MORC3: variants seen among roughly 807,000 people sequenced by gnomAD.
MORC3 encodes the protein MORC family CW-type zinc finger 3.
MORC3 carries 31 observed loss-of-function variants against 109.1 expected under a neutral mutation model. The ratio of observed to expected loss-of-function variants is 0.28; its 90% CI spans 0.21 to 0.38. The LOEUF is 0.38. Ranked by LOEUF, MORC3 falls within the 10% of genes least tolerant of loss-of-function variation. MORC3 has a pLI of 1.00. For synonymous variants in MORC3, 395 were observed against 380.7 expected (o/e 1.04, Z -0.44); for missense variants, 867 against 1,135.8 (o/e 0.76, Z 3.40).
chr21:36,335,167 T>C (rs1450917387), intron 2 of MORC3, among the ~76,000 whole-genome samples: 1 of 152,002 alleles, frequency 6.6e-6, no homozygotes, highest in African/African-American at 2.4e-5. Flanking sequence ...CACACAAACA[T>C]AAGCCTAATT....
intron 14 of MORC3, among the ~76,000 whole-genome samples, chr21:36,365,083 A>G (rs2085765305): frequency 6.6e-6 from 1 of 151,724 alleles, no homozygotes; most frequent in Admixed American, 6.6e-5. Context: ...TGAAGCAATT[A>G]ACAGTACGAC....
intron 4 of MORC3, 126 bp from the exon 5 acceptor site, chr21:36,338,648 C>T (rs1237864581): frequency 1.3e-6 from 1 of 796,702 alleles, no homozygotes; most frequent in African/African-American, 1.9e-5. Flanking sequence ...CCCTATCTCA[C>T]AAAAAAAAAA....
intron 10 of MORC3, among the ~76,000 whole-genome samples, chr21:36,358,939 A>G (rs2085680268): frequency 6.6e-6 from 1 of 152,100 alleles, no homozygotes; most frequent in Non-Finnish European, 1.5e-5. Flanking sequence ...TCAGCCTCCC[A>G]AAGTGCTGGG....
intron 1 of MORC3, among the ~76,000 whole-genome samples, chr21:36,322,035 C>T (rs1359600202): frequency 2.2e-4 from 34 of 152,150 alleles, no homozygotes; most frequent in Admixed American, 2.2e-3. Flanking sequence ...CCATCTGCAG[C>T]CTCTTTGCTT....
At chr21:36,365,807 C>G (rs2085774560) in intron 14 of MORC3, among the ~76,000 whole-genome samples, 1 of 152,126 alleles carries the variant, frequency 6.6e-6, no homozygotes, top group African/African-American at 2.4e-5. Flanking sequence ...GTCTCGAACT[C>G]CTGACCTCAG....
rs938269316 is a variant in MORC3 at position 36,374,588 on chromosome 21, T to C, written c.2667-555T>C. Among the ~76,000 whole-genome samples the C allele has an allele frequency of 2.6e-5, 4 of 152,206 alleles. No homozygotes were observed. The East Asian group carries it at 7.8e-4, about 30-fold the overall frequency. ...GAATGCTTGATTGAGCCCAGGAGTT[T>C]GAGACCAGCCTGGGCAATATAGTGA... On this transcript the variant is annotated intron_variant, in intron 16 of 16. Coordinates refer to ENST00000400485, the MANE Select transcript of MORC3 (RefSeq NM_015358.3).
intron 5 of MORC3, 47 bp from the exon 6 acceptor site, chr21:36,341,352 T>C (rs1258007403): frequency 6.5e-7 from 1 of 1,541,564 alleles, no homozygotes; most frequent in East Asian, 2.2e-5. Context: ...CTGGCTTATC[T>C]TGCTGTGAAG....
chr21:36,359,337 T>C (rs1191915663), intron 10 of MORC3, among the ~76,000 whole-genome samples: 1 of 152,194 alleles, frequency 6.6e-6, no homozygotes, highest in Admixed American at 6.5e-5. Flanking sequence ...GGTCTCACTA[T>C]GTTGCCCAGG....
At chr21:36,368,772 G>T (rs896681225) in intron 14 of MORC3, among the ~76,000 whole-genome samples, 1 of 152,186 alleles carries the variant, frequency 6.6e-6, no homozygotes, top group East Asian at 1.9e-4. Flanking sequence ...AGCTCCTCAG[G>T]AGGCTGAGGC....
intron 1 of MORC3, among the ~76,000 whole-genome samples, chr21:36,323,610 G>C (rs1174231897): frequency 6.6e-6 from 1 of 152,054 alleles, no homozygotes; most frequent in Non-Finnish European, 1.5e-5. Flanking sequence ...TGCTACCCTT[G>C]CTCTTTCTTT....
intron 10 of MORC3, among the ~76,000 whole-genome samples, chr21:36,358,352 T>C (rs1462528738): frequency 1.3e-5 from 2 of 151,980 alleles, no homozygotes; most frequent in Non-Finnish European, 2.9e-5. Context: ...ACCATTGCAC[T>C]CCAGCCTGGG....
In MORC3 at chr21:36,360,381, G is replaced by A. The variant is rs867128277; in HGVS notation, c.1406+123G>A. The A allele has an allele frequency of 2.3e-5, 22 of 975,052 alleles. 1 individual carries two copies. The Middle Eastern group carries it at 1.0e-3, about 44-fold the overall frequency. 60.4% of individuals were successfully genotyped at this position (975,052 alleles called of 1,614,324 possible). ...TGTAACTGAAAAAGTTTATAATGTG[G>A]AGTGCGTAATATCAAGGGCTTTAAA... On this transcript the variant is annotated intron_variant, in intron 12 of 16. Transcript: ENST00000400485.
At chr21:36,344,147 TGGG>T (rs200459547) in intron 6 of MORC3, among the ~76,000 whole-genome samples, 1 of 151,444 alleles carries the variant, frequency 6.6e-6, no homozygotes, top group Non-Finnish European at 1.5e-5. Context: ...TTTTTTGAGG[TGGG>T]GGGGTCTCCC....
Position 36,371,487 on chromosome 21 carries a change from A to T in MORC3, c.2509-887A>T, listed in dbSNP as rs568296382. ...CACTTGTGTTAGCCTACATTTGGGC[A>T]AAATCATCTAACACAAAGTCTGGTT... On this transcript the variant is annotated intron_variant, in intron 15 of 16. Coordinates refer to ENST00000400485, the MANE Select transcript of MORC3 (RefSeq NM_015358.3). Among the ~76,000 whole-genome samples, 9 of 152,350 alleles carry T rather than the reference A, an allele frequency of 5.9e-5. No individual in the cohort carries two copies. In the East Asian group the frequency reaches 1.5e-3, roughly 26 times the overall value.
At chr21:36,354,742 T>G (rs8132895) in intron 9 of MORC3, among the ~76,000 whole-genome samples, 111,643 of 152,158 alleles carry the variant, frequency 0.73, 42,030 homozygotes, top group East Asian at 1. Context: ...GAACCCACCT[T>G]CTGGATTGTC....
rs1256763950 is a variant in MORC3 at position 36,337,843 on chromosome 21, C to T, written c.357C>T (p.Thr119=). 1.2e-6 allele frequency: 2 copies of T among 1,613,936 alleles called. No individual in the cohort carries two copies. The highest frequency in any genetic ancestry group is 1.7e-6 in the Non-Finnish European group (2 of 1,180,016). Residue 119 remains threonine (T), a synonymous_variant, in exon 4 of 17, where the codon ACC becomes ACT. Coordinates refer to ENST00000400485, the MANE Select transcript of MORC3 (RefSeq NM_015358.3). The part of the protein sequence containing the change: ...MRLGKDAIVF[T]KNGESMSVGL... Reference sequence around the variant, plus strand: ...TGGGTAAAGACGCAATCGTTTTTACCAAAAATGGAGAAAGCATGAGCGTGG... The same window carrying T: ...TGGGTAAAGACGCAATCGTTTTTACTAAAAATGGAGAAAGCATGAGCGTGG...
At chr21:36,340,837 A>G (rs2085437493) in intron 5 of MORC3, among the ~76,000 whole-genome samples, 1 of 152,010 alleles carries the variant, frequency 6.6e-6, no homozygotes, top group Non-Finnish European at 1.5e-5. Flanking sequence ...GGGTTTTGCC[A>G]TATTGACCAG....
chr21:36,361,129 C>T (rs908022158), intron 12 of MORC3, among the ~76,000 whole-genome samples: 2 of 151,772 alleles, frequency 1.3e-5, no homozygotes, highest in Non-Finnish European at 2.9e-5. Context: ...GATAGTCAGC[C>T]AGTGGAGACT....
At chr21:36,363,733 G>T (rs1035773352) in intron 13 of MORC3, among the ~76,000 whole-genome samples, 2 of 152,220 alleles carry the variant, frequency 1.3e-5, no homozygotes, top group Non-Finnish European at 2.9e-5. Context: ...AATGCAAGTA[G>T]GCAGTTGTGC....
Sources: allele counts gnomAD v4.1 joint callset (sites outside exome capture counted in the v4.1 genomes callset), GRCh38; gene constraint gnomAD v4.1.1; transcripts MANE v1.5; gene names NCBI Gene and HGNC (gene_info 2026-07-23, HGNC 2026-07-21).